GSTCD: variants seen among roughly 807,000 people sequenced by gnomAD.
GSTCD encodes the protein glutathione S-transferase C-terminal domain-containing protein.
A neutral mutation model predicts 68.3 loss-of-function variants in GSTCD; 44 were observed. The observed-to-expected ratio is 0.64, with a 90% CI of 0.51 to 0.83. The LOEUF is 0.83. Among genes scored for constraint, GSTCD ranks in the 40% least tolerant of loss-of-function variants. GSTCD has a pLI of 0.00. For missense variants in GSTCD, 739 were observed against 735.9 expected, an observed-to-expected ratio of 1.00 and a Z score of -0.05; for synonymous variants, 273 against 255.2, an observed-to-expected ratio of 1.07 and a Z score of -0.67.
intron 5 of GSTCD, among the ~76,000 whole-genome samples, chr4:105,803,879 G>A (rs1187654755): frequency 6.6e-6 from 1 of 151,916 alleles, no homozygotes; most frequent in Non-Finnish European, 1.5e-5. Flanking sequence ...AAAACCAACA[G>A]AATGGTAAAC....
chr4:105,768,222 G>A (rs1734698906), intron 5 of GSTCD, among the ~76,000 whole-genome samples: 1 of 151,848 alleles, frequency 6.6e-6, no homozygotes, highest in South Asian at 2.1e-4. Context: ...AGTAGAGACG[G>A]GGTTTCACCA....
intron 3 of GSTCD, among the ~76,000 whole-genome samples, chr4:105,724,630 A>C (rs1055358704): frequency 6.9e-6 from 1 of 144,876 alleles, no homozygotes; most frequent in African/African-American, 2.5e-5. Context: ...TCACAAACAC[A>C]AAAAAATGGA....
intron 5 of GSTCD, among the ~76,000 whole-genome samples, chr4:105,757,149 C>A (rs1000371171): frequency 6.6e-6 from 1 of 152,064 alleles, no homozygotes; most frequent in Non-Finnish European, 1.5e-5. Flanking sequence ...CTTTCAGTGA[C>A]CATACCTGTT....
chr4:105,724,308 C>T lies in GSTCD; in HGVS notation c.895-2271C>T, dbSNP rs142077243. On this transcript the variant is annotated intron_variant, in intron 3 of 11. Transcript: ENST00000515279. ...GTAGTGCTAGGGAGAAAGCATCTGA[C>T]CAAGAGAAAACAAAAATATATGAGT... Among the ~76,000 whole-genome samples the T allele has an allele frequency of 4.3e-3, 646 of 151,318 alleles. 2 individuals are homozygous for T. Among genetic ancestry groups the T allele is most frequent in the Middle Eastern group, 0.024 (7 of 294 alleles).
At chr4:105,825,119 G>T (rs1476677025) in intron 7 of GSTCD, among the ~76,000 whole-genome samples, 1 of 150,192 alleles carries the variant, frequency 6.7e-6, no homozygotes, top group Non-Finnish European at 1.5e-5. Flanking sequence ...TTGGTTGGTT[G>T]GTTGGTTGGT....
rs934789845 is a variant in GSTCD at position 105,823,280 on chromosome 4, A to G, written c.1401+5A>G. On this transcript the variant is annotated splice_donor_5th_base_variant and intron_variant, in intron 7 of 11. Coordinates refer to ENST00000515279, the MANE Select transcript of GSTCD (RefSeq NM_001370181.1). ...CACATGCTGCCATCATGTCAGGTAA[A>G]GCCAGAATAAGAGATAAAAGGAAAT... The G allele has an allele frequency of 9.3e-6, 15 of 1,613,238 alleles. No homozygotes were observed. The East Asian group carries it at 3.1e-4, about 34-fold the overall frequency.
chr4:105,838,169 G>A (rs1724197228), intron 10 of GSTCD, among the ~76,000 whole-genome samples: 1 of 152,156 alleles, frequency 6.6e-6, no homozygotes, highest in South Asian at 2.1e-4. Flanking sequence ...CTAAGTCAGA[G>A]ACAAAAGACA....
intron 5 of GSTCD, among the ~76,000 whole-genome samples, chr4:105,756,384 A>T (rs11733124): frequency 0.054 from 8,147 of 151,844 alleles, 254 homozygotes; most frequent in Middle Eastern, 0.14. Flanking sequence ...CCTTGTTCAG[A>T]AGTCCACCCA....
chr4:105,778,190 C>T (rs918177682), intron 5 of GSTCD, among the ~76,000 whole-genome samples: 6 of 152,130 alleles, frequency 3.9e-5, no homozygotes, highest in Non-Finnish European at 5.9e-5. Flanking sequence ...ATAGAACCTA[C>T]TCAATGGGTC....
At chr4:105,778,008 C>T (rs1230507900) in intron 5 of GSTCD, among the ~76,000 whole-genome samples, 1 of 152,002 alleles carries the variant, frequency 6.6e-6, no homozygotes, top group Non-Finnish European at 1.5e-5. Flanking sequence ...TATAGGAATT[C>T]AGAAGAGGGA....
chr4:105,778,786 A>G (rs189413535), intron 5 of GSTCD, among the ~76,000 whole-genome samples: 43 of 152,250 alleles, frequency 2.8e-4, no homozygotes, highest in Admixed American at 2.6e-3. Context: ...GTTTTAATAT[A>G]CTTTCCAGAC....
chr4:105,823,340 G>T, intron 7 of GSTCD, 65 bp downstream of exon 7: 8 of 1,435,334 alleles, frequency 5.6e-6, no homozygotes, highest in Non-Finnish European at 7.8e-6. Context: ...AGCCAAATTT[G>T]GTTTATCCCG....
At chr4:105,794,449 A>G (rs889474586) in intron 5 of GSTCD, among the ~76,000 whole-genome samples, 5 of 152,066 alleles carry the variant, frequency 3.3e-5, no homozygotes, top group South Asian at 2.1e-4. Flanking sequence ...CACTATTAAC[A>G]AAGGTACCAC....
chr4:105,739,823 G>A (rs576374964), intron 5 of GSTCD, among the ~76,000 whole-genome samples: 8 of 152,164 alleles, frequency 5.3e-5, no homozygotes, highest in South Asian at 2.1e-4. Flanking sequence ...GTGCAGCTTC[G>A]GCTCAGTCCC....
chr4:105,732,814 TCC>T (rs1733300040), intron 5 of GSTCD, among the ~76,000 whole-genome samples: 1 of 152,216 alleles, frequency 6.6e-6, no homozygotes, highest in Non-Finnish European at 1.5e-5. Context: ...TCCTGCTTTC[TCC>T]TGTGGGCATT....
At chr4:105,825,542 T>A (rs1723560141) in intron 7 of GSTCD, 130 bp from the exon 8 acceptor site, 1 of 524,836 alleles carries the variant, frequency 1.9e-6, no homozygotes, top group Non-Finnish European at 3.4e-6. Flanking sequence ...GTGACATACT[T>A]CCTGCCACAG....
intron 5 of GSTCD, 83 bp downstream of exon 5, chr4:105,729,582 T>G (rs955076656): frequency 1.1e-6 from 1 of 879,510 alleles, no homozygotes; most frequent in Non-Finnish European, 1.8e-6. Context: ...AAATCTCCCT[T>G]TGGCTTTATC....
chr4:105,820,040 A>C (rs1723207077), intron 5 of GSTCD, among the ~76,000 whole-genome samples: 1 of 151,852 alleles, frequency 6.6e-6, no homozygotes, highest in Admixed American at 6.6e-5. Context: ...ATTTTAAGCT[A>C]AGAAACAAAA....
intron 5 of GSTCD, among the ~76,000 whole-genome samples, chr4:105,737,114 G>A (rs917192061): frequency 1.3e-5 from 2 of 152,140 alleles, no homozygotes; most frequent in African/African-American, 4.8e-5. Context: ...TCCAGCAAGG[G>A]AATTGCTAGA....
Sources: gnomAD v4.1 joint callset for allele counts (sites outside exome capture counted in the v4.1 genomes callset) on GRCh38, gnomAD v4.1.1 for gene constraint, MANE v1.5 for transcripts, NCBI Gene and HGNC (gene_info 2026-07-23, HGNC 2026-07-21) for gene names.